Variants in PI4K2B observed in about 807,000 individuals in gnomAD.
PI4K2B encodes the protein phosphatidylinositol 4-kinase type 2-beta.
A neutral mutation model predicts 56.6 loss-of-function variants in PI4K2B; 46 were observed. The ratio of observed to expected loss-of-function variants is 0.81; its 90% confidence interval spans 0.64 to 1.04. The LOEUF (loss-of-function observed/expected upper bound fraction) is 1.04. Ranked by LOEUF, PI4K2B falls within the 50% of genes least tolerant of loss-of-function variation. The pLI, the probability that PI4K2B is intolerant of heterozygous loss-of-function variation, is 0.00. For synonymous variants in PI4K2B, 211 were observed against 223.8 expected (o/e 0.94, Z 0.51); for missense variants, 556 against 607.7 (o/e 0.91, Z 0.89).
At chr4:25,261,498 A>G (rs951500295) in intron 6 of PI4K2B, among the ~76,000 whole-genome samples, 3 of 152,154 alleles carry the variant, frequency 2.0e-5, no homozygotes, top group Admixed American at 6.6e-5. Context: ...TACATTTGGG[A>G]AAGTTTTAAG....
intron 9 of PI4K2B, among the ~76,000 whole-genome samples, chr4:25,274,877 C>T (rs1717042635): frequency 1.3e-5 from 2 of 152,148 alleles, no homozygotes; most frequent in Admixed American, 6.5e-5. Context: ...CTCACTGCAA[C>T]CTCTGCCACC....
At chr4:25,236,457 A>G (rs539250335) in intron 1 of PI4K2B, among the ~76,000 whole-genome samples, 1 of 151,862 alleles carries the variant, frequency 6.6e-6, no homozygotes, top group South Asian at 2.1e-4. Context: ...AGGCTGAGGC[A>G]GGAGAATCGC....
chr4:25,272,558 T>G (rs1165265324), intron 9 of PI4K2B, among the ~76,000 whole-genome samples: 1 of 151,890 alleles, frequency 6.6e-6, no homozygotes, highest in East Asian at 1.9e-4. Flanking sequence ...TCCCAGCTAC[T>G]TGGGAGGCTG....
At chr4:25,261,799 GA>G (rs1237324443) in intron 6 of PI4K2B, among the ~76,000 whole-genome samples, 6 of 152,172 alleles carry the variant, frequency 3.9e-5, no homozygotes. Flanking sequence ...CCAGTAGCTG[GA>G]CTGCAGAGGG....
intron 4 of PI4K2B, among the ~76,000 whole-genome samples, chr4:25,256,979 TA>T (rs2109015950): frequency 6.7e-6 from 1 of 149,050 alleles, no homozygotes; most frequent in African/African-American, 2.4e-5. Context: ...GAATCAGACC[TA>T]ATCCCAGCCT....
intron 7 of PI4K2B, among the ~76,000 whole-genome samples, chr4:25,266,128 G>A (rs548173010): frequency 3.8e-4 from 57 of 151,236 alleles, no homozygotes; most frequent in African/African-American, 1.3e-3. Context: ...TTATACCTCC[G>A]TTCATTTTGT....
chr4:25,246,408 G>A (rs901006159), intron 1 of PI4K2B, among the ~76,000 whole-genome samples: 7 of 152,178 alleles, frequency 4.6e-5, no homozygotes, highest in African/African-American at 1.7e-4. Flanking sequence ...AGTTCTCCAT[G>A]TCCCCACTAG....
At chr4:25,256,713 G>T (rs773197495) in intron 4 of PI4K2B, 39 bp downstream of exon 4, 1 of 1,590,300 alleles carries the variant, frequency 6.3e-7, no homozygotes, top group East Asian at 2.2e-5. Context: ...AGGGCATTTG[G>T]GCACATACAT....
chr4:25,261,862 T>C (rs1716490683), intron 6 of PI4K2B, among the ~76,000 whole-genome samples: 1 of 152,232 alleles, frequency 6.6e-6, no homozygotes, highest in Non-Finnish European at 1.5e-5. Context: ...GCTCATCACA[T>C]TGTACTTGTT....
At chr4:25,247,817 C>T (rs1416550983) in intron 1 of PI4K2B, among the ~76,000 whole-genome samples, 1 of 152,128 alleles carries the variant, frequency 6.6e-6, no homozygotes, top group Middle Eastern at 3.2e-3. Context: ...GATCCTCCCA[C>T]CTTAGCCTCT....
intron 1 of PI4K2B, among the ~76,000 whole-genome samples, chr4:25,251,829 A>G (rs201961143): frequency 2.7e-4 from 35 of 131,396 alleles, no homozygotes; most frequent in East Asian, 4.4e-4. Flanking sequence ...TGTTGTTGTT[A>G]TTATTATTAT....
At chr4:25,260,413 G>T in intron 5 of PI4K2B, 111 bp from the exon 6 acceptor site, 1 of 437,994 alleles carries the variant, frequency 2.3e-6, no homozygotes, top group Non-Finnish European at 4.2e-6. Flanking sequence ...ATATGCTACA[G>T]ATAACCAGTG....
intron 3 of PI4K2B, 110 bp from the exon 4 acceptor site, chr4:25,256,433 A>G (rs1012276610): frequency 9.8e-7 from 1 of 1,022,962 alleles, no homozygotes; most frequent in Non-Finnish European, 1.4e-6. Context: ...GGCCTTTATT[A>G]CAGGATTAAA....
intron 3 of PI4K2B, 148 bp from the exon 4 acceptor site, chr4:25,256,395 C>G: frequency 2.7e-6 from 2 of 733,886 alleles, no homozygotes; most frequent in East Asian, 5.7e-5. Flanking sequence ...TGCAAAATTC[C>G]CTGGCTTTTC....
intron 7 of PI4K2B, 37 bp downstream of exon 7, chr4:25,263,886 C>T (rs750866928): frequency 1.1e-6 from 1 of 878,578 alleles, no homozygotes; most frequent in Non-Finnish European, 1.8e-6. Flanking sequence ...TCTATAATTA[C>T]CTTTTTTCCA....
intron 9 of PI4K2B, among the ~76,000 whole-genome samples, chr4:25,272,672 C>T (rs1716943885): frequency 6.6e-6 from 1 of 152,008 alleles, no homozygotes; most frequent in Non-Finnish European, 1.5e-5. Context: ...ACCAAGACCT[C>T]ATCTCTTAAG....
intron 9 of PI4K2B, among the ~76,000 whole-genome samples, chr4:25,270,050 T>A (rs182324267): frequency 1.3e-5 from 2 of 152,262 alleles, no homozygotes; most frequent in African/African-American, 4.8e-5. Flanking sequence ...TGTATACTGT[T>A]TATTTAGCTC....
intron 6 of PI4K2B, among the ~76,000 whole-genome samples, chr4:25,263,412 C>T (rs912576593): frequency 1.3e-5 from 2 of 152,048 alleles, no homozygotes; most frequent in Non-Finnish European, 2.9e-5. Context: ...TAATATTTTA[C>T]ATCATACATT....
At chr4:25,269,089 A>C (rs549034980) in intron 8 of PI4K2B, 55 bp from the exon 9 acceptor site, 1 of 993,394 alleles carries the variant, frequency 1.0e-6, no homozygotes. Context: ...TCTGTTTTCA[A>C]ATATTTATAT....
Sources: gnomAD v4.1 joint callset for allele counts (sites outside exome capture counted in the v4.1 genomes callset) on GRCh38, gnomAD v4.1.1 for gene constraint, MANE v1.5 for transcripts, NCBI Gene and HGNC (gene_info 2026-07-23, HGNC 2026-07-21) for gene names.